The following TBC1D17 variants were observed in gnomAD, a reference collection of about 807,000 sequenced individuals.
The protein encoded by TBC1D17 is TBC1 domain family member 17.
Under a neutral mutation model 78.8 loss-of-function variants are expected in TBC1D17, and 69 were observed. The observed-to-expected ratio is 0.88, with a 90% CI of 0.72 to 1.07. TBC1D17 has a LOEUF of 1.07. Ranked by LOEUF, TBC1D17 falls within the 50% of genes least tolerant of loss-of-function variation. The pLI, the probability that TBC1D17 is intolerant of heterozygous loss-of-function variation, is 0.00. For synonymous variants in TBC1D17, 456 were observed against 358.3 expected, an observed-to-expected ratio of 1.27 and a Z score of -3.08; for missense variants, 957 against 861.0, an observed-to-expected ratio of 1.11 and a Z score of -1.39.
rs532830686 is a variant in TBC1D17, at chr19:49,883,194, G to T, written c.1031+118G>T. ...CTGCTGTATCTGGGCACCATCCTGC[G>T]CCTGTGGAATACGGCAATGATCAAG... On this transcript the variant is annotated intron_variant, in intron 9 of 16. Coordinates refer to ENST00000221543, the MANE Select transcript of TBC1D17 (RefSeq NM_024682.3). 1.9e-5 allele frequency: 17 copies of T among 895,148 alleles called. No individual in the cohort carries two copies. In the East Asian group the frequency reaches 4.0e-4, roughly 21 times the overall value. 55.5% of individuals were successfully genotyped at this position (895,148 alleles called of 1,614,324 possible).
chr19:49,877,787 A>G, intron 1 of TBC1D17, 43 bp downstream of exon 1: 1 of 1,565,714 alleles, frequency 6.4e-7, no homozygotes, highest in Non-Finnish European at 8.7e-7. Context: ...TGTATGCGAA[A>G]CGCCCCGTCT....
intron 13 of TBC1D17, 152 bp from the exon 14 acceptor site, chr19:49,887,324 G>A (rs185991794): frequency 1.4e-6 from 1 of 706,140 alleles, no homozygotes; most frequent in South Asian, 1.7e-5. Flanking sequence ...CAGGGCCCGC[G>A]TTCAGGGCTG....
rs77628018 is a variant in TBC1D17 at position 49,879,797 on chromosome 19, C to T, written c.196-482C>T. On this transcript the variant is annotated intron_variant, in intron 3 of 16. Transcript: ENST00000221543. The stretch of plus-strand genomic sequence containing the variant: ...GGAGACATGGGGTCAAGTCCTGGCT[C>T]GCTCTCTGGCTGCATTGGGTGACCC... Among the ~76,000 whole-genome samples the T allele has an allele frequency of 7.9e-3, 1,190 of 150,634 alleles. 12 individuals are homozygous for T. The highest frequency in any genetic ancestry group is 0.025 in the African/African-American group (1,023 of 41,050).
chr19:49,878,590 T>C lies in TBC1D17; in HGVS notation c.195+18T>C. 1 of 1,613,390 alleles carries C rather than the reference T, an allele frequency of 6.2e-7. No individual in the cohort carries two copies. The highest frequency in any genetic ancestry group is 8.5e-7 in the Non-Finnish European group (1 of 1,179,348). Reference sequence around the variant, plus strand: ...CCAAGAAGGTAGGCTCCACCCGCTTTGCCCTTCTCCACTCGCTTTTTTTCT... The same window carrying C: ...CCAAGAAGGTAGGCTCCACCCGCTTCGCCCTTCTCCACTCGCTTTTTTTCT... On this transcript the variant is annotated intron_variant, in intron 3 of 16. Coordinates refer to ENST00000221543, the MANE Select transcript of TBC1D17 (RefSeq NM_024682.3).
At position 49,888,528 on chromosome 19, in the gene TBC1D17, CCCGCCCACCCCG is replaced by C; in HGVS notation, c.1858_1869del (p.Thr620_Pro623del). On this transcript the variant is annotated inframe_deletion, in exon 17 of 17. Transcript: ENST00000221543. ...CGCTGCCTCTGTCGCCCACCCGGGCCCCGCCCACCCCGCCGCCCTCCACGGACACAGCCCCGC... is the reference window on the plus strand; with the variant it reads ...CGCTGCCTCTGTCGCCCACCCGGGCCCCGCCCTCCACGGACACAGCCCCGC... 6.6e-7 allele frequency: 1 copy of C among 1,525,228 alleles called. No homozygotes were observed. Among genetic ancestry groups the C allele is most frequent in the Non-Finnish European group, 8.8e-7 (1 of 1,135,866 alleles). 94.5% of individuals were successfully genotyped at this position (1,525,228 alleles called of 1,614,324 possible). A position where few individuals can be genotyped will look rare whatever the true frequency, so the allele number is the denominator to read the frequency against.
At chr19:49,879,060 C>CA (rs1013400438) in intron 3 of TBC1D17, 1 of 155,038 alleles carries the variant, frequency 6.5e-6, no homozygotes, top group Non-Finnish European at 1.4e-5. Context: ...GACCCTTACT[C>CA]ACTTTTTGAG....
intron 3 of TBC1D17, among the ~76,000 whole-genome samples, chr19:49,879,799 C>A (rs190129946): frequency 6.6e-6 from 1 of 150,782 alleles, no homozygotes; most frequent in African/African-American, 2.4e-5. Context: ...TCCTGGCTCG[C>A]TCTCTGGCTG....
rs921249051 is a variant in TBC1D17 at position 49,881,173 on chromosome 19, G to A, written c.320-95G>A. 5 of 1,109,638 alleles carry A rather than the reference G, an allele frequency of 4.5e-6. No individual in the cohort carries two copies. The African/African-American group carries it at 7.8e-5, about 17-fold the overall frequency. 68.7% of individuals were successfully genotyped at this position (1,109,638 alleles called of 1,614,324 possible). A position where few individuals can be genotyped will look rare whatever the true frequency, so the allele number is the denominator to read the frequency against. On this transcript the variant is annotated intron_variant, in intron 4 of 16. Coordinates refer to ENST00000221543, the MANE Select transcript of TBC1D17 (RefSeq NM_024682.3). ...GGGTGGCTTGTGGCGGGGCCCTCAG[G>A]AGATGCCTGTGCCGAAGGAACATCC...
At chr19:49,885,196 C>G (rs1032933313) in intron 13 of TBC1D17, 1 of 193,620 alleles carries the variant, frequency 5.2e-6, no homozygotes, top group Non-Finnish European at 1.1e-5. Context: ...ACCTGTAATC[C>G]CAGCACTTTG....
In TBC1D17 at chr19:49,884,551, G is replaced by C; in HGVS notation, c.1336G>C (p.Glu446Gln). Residue 446 changes from glutamate to glutamine, a missense_variant, in exon 12 of 17, where the codon GAG becomes CAG. By Grantham distance (29) the Glu-to-Gln change is conservative. Transcript: ENST00000221543. ...TTTCTGGTGTTTCTGTGGCTTCATG[G>C]AGCTCGTGGTGAGGCTTGGGTCAGG... ...DAFWCFCGFM[E>Q]LVQGNFEESQ... is the part of the protein sequence containing the mutation. The C allele has an allele frequency of 1.2e-6, 2 of 1,614,148 alleles. No individual in the cohort carries two copies. The highest frequency in any genetic ancestry group is 1.7e-6 in the Non-Finnish European group (2 of 1,180,008).
chr19:49,887,665 C>T, intron 14 of TBC1D17, 53 bp from the exon 15 acceptor site: 2 of 1,609,290 alleles, frequency 1.2e-6, no homozygotes, highest in Non-Finnish European at 1.7e-6. Flanking sequence ...GGTGGGACCT[C>T]AGGCCCAGGC....
Position 49,888,033 on chromosome 19 carries a change from G to T in TBC1D17, c.1660-198G>T. The T allele has an allele frequency of 3.0e-6, 3 of 1,007,586 alleles. No homozygotes were observed. In the South Asian group the frequency reaches 4.8e-5, roughly 16 times the overall value. 62.4% of individuals were successfully genotyped at this position (1,007,586 alleles called of 1,614,324 possible). A position where few individuals can be genotyped will look rare whatever the true frequency, so the allele number is the denominator to read the frequency against. The stretch of plus-strand genomic sequence containing the variant: ...CCCAGCAAGGTCCTCCGGGCAGGTG[G>T]GTGGGGACCTTCCCTCCCCGAGTAC... On this transcript the variant is annotated intron_variant, in intron 15 of 16. Transcript: ENST00000221543.
chr19:49,882,808 T>G lies in TBC1D17; in HGVS notation c.843T>G (p.Val281=). 1 of 1,606,772 alleles carries G rather than the reference T, an allele frequency of 6.2e-7. No individual in the cohort carries two copies. The highest frequency in any genetic ancestry group is 8.5e-7 in the Non-Finnish European group (1 of 1,176,802). ...CAACCGTGGAGCGGGGCCCTCCAGT[T>G]ACAGAGGAGGAGTGGGCACGCCACG... ...PRPTVERGPP[V]TEEEWARHVG... Residue 281 remains valine (V), a synonymous_variant, in exon 8 of 17, where the codon GTT becomes GTG. Transcript: ENST00000221543.
chr19:49,887,840 G>C lies in TBC1D17; in HGVS notation c.1659+6G>C. ...GCTCCAATGAGATCCTCAAGGTGAG[G>C]CTCCGGCCCCGCCCCCGCCCTGTCC... On this transcript the variant is annotated splice_donor_region_variant and intron_variant, in intron 15 of 16. Transcript: ENST00000221543. 6.2e-7 allele frequency: 1 copy of C among 1,603,182 alleles called. No homozygotes were observed. The highest frequency in any genetic ancestry group is 8.5e-7 in the Non-Finnish European group (1 of 1,175,440).
At chr19:49,880,642 G>C (rs1319438089) in intron 4 of TBC1D17, among the ~76,000 whole-genome samples, 1 of 152,190 alleles carries the variant, frequency 6.6e-6, no homozygotes, top group Non-Finnish European at 1.5e-5. Context: ...CGGATTGGCT[G>C]TGGGTGCTCC....
In TBC1D17 at chr19:49,883,036, G is replaced by C. The variant is rs1472681452; in HGVS notation, c.991G>C (p.Gly331Arg). Residue 331 changes from glycine to arginine, a missense_variant, in exon 9 of 17, where the codon GGC becomes CGC. Gly to Arg is a moderately radical substitution (Grantham distance 125). Transcript: ENST00000221543. ...CCTCCTAGGGTACCTCAGCTGGGAA[G>C]GCACAGCTGAGGAGCACAAGGCCCA... ...KFLLGYLSWEGTAEEHKAHIR... is the reference protein window; with the variant it reads ...KFLLGYLSWERTAEEHKAHIR... 5 of 1,611,274 alleles carry C rather than the reference G, an allele frequency of 3.1e-6. No homozygotes were observed. The highest frequency in any genetic ancestry group is 4.2e-6 in the Non-Finnish European group (5 of 1,179,058).
intron 15 of TBC1D17, 75 bp from the exon 16 acceptor site, chr19:49,888,156 G>A (rs1408642167): frequency 6.5e-7 from 1 of 1,547,872 alleles, no homozygotes; most frequent in Non-Finnish European, 8.7e-7. Context: ...TTGTTTCCCA[G>A]CACGAAGCAC....
rs779632028 is a variant in TBC1D17 at position 49,882,837 on chromosome 19, G to A, written c.872G>A (p.Gly291Asp). 2.5e-6 allele frequency: 4 copies of A among 1,611,456 alleles called. No homozygotes were observed. The Admixed American group carries it at 6.7e-5, about 27-fold the overall frequency. Reference protein sequence around the residue: ...VTEEEWARHVGPEGRLQQVPE... With the variant: ...VTEEEWARHVDPEGRLQQVPE... The stretch of plus-strand genomic sequence containing the variant: ...GAGGAGGAGTGGGCACGCCACGTGG[G>A]CCCTGAAGGTCGCCTGCAGCAGGTC... Residue 291 changes from glycine to aspartate, a missense_variant, in exon 8 of 17, where the codon GGC becomes GAC. Transcript: ENST00000221543.
chr19:49,883,668 T>A lies in TBC1D17; in HGVS notation c.1049T>A (p.Met350Lys). The A allele has an allele frequency of 6.2e-7, 1 of 1,613,940 alleles. No individual in the cohort carries two copies. Among genetic ancestry groups the A allele is most frequent in the Non-Finnish European group, 8.5e-7 (1 of 1,179,950 alleles). ...IRKKTDEYFR[M>K]KLQWKSVSPE... ...TCACTCAGGGATGAGTATTTCCGCA[T>A]GAAGCTGCAGTGGAAATCTGTGAGC... Residue 350 changes from methionine (M) to lysine (K), a missense_variant, in exon 10 of 17, where the codon ATG (methionine) becomes AAG (lysine). Coordinates refer to ENST00000221543, the MANE Select transcript of TBC1D17 (RefSeq NM_024682.3).
Sources: gnomAD v4.1 joint callset for allele counts (sites outside exome capture counted in the v4.1 genomes callset) on GRCh38, gnomAD v4.1.1 for gene constraint, MANE v1.5 for transcripts, NCBI Gene and HGNC (gene_info 2026-07-23, HGNC 2026-07-21) for gene names.